Variants in KIF13A observed in about 807,000 individuals in gnomAD.
KIF13A encodes kinesin family member 13A.
In KIF13A, 79 loss-of-function variants were observed where a neutral mutation model predicts 212.2. The observed-to-expected ratio is 0.37, with a 90% CI of 0.31 to 0.45. KIF13A has a LOEUF of 0.45. Ranked by LOEUF, KIF13A falls within the 20% of genes least tolerant of loss-of-function variation. The pLI is 1.00. For missense variants in KIF13A, 1,901 were observed against 2,209.0 expected (o/e 0.86, Z 2.79); for synonymous variants, 789 against 808.6 (o/e 0.98, Z 0.41).
Position 17,888,945 on chromosome 6 carries a change from G to A in KIF13A, c.159+9223C>T, listed in dbSNP as rs1771793088. ...TCTTGTACCAAGTCTTCTAAATCTAGCATATATTTTGTACTTAATCTCGAG... is the reference window on the plus strand; with the variant it reads ...TCTTGTACCAAGTCTTCTAAATCTAACATATATTTTGTACTTAATCTCGAG... On this transcript the variant is annotated intron_variant, in intron 3 of 38. Transcript: ENST00000259711. The surrounding 1 kb of genome is among the most constrained non-coding windows in gnomAD (Gnocchi z 4.8). Among the ~76,000 whole-genome samples, 1 of 151,958 alleles carries A rather than the reference G, an allele frequency of 6.6e-6. No homozygotes were observed. The highest frequency in any genetic ancestry group is 2.4e-5 in the African/African-American group (1 of 41,358).
chr6:17,966,839 A>G (rs1779370334), intron 2 of KIF13A, among the ~76,000 whole-genome samples: 1 of 152,332 alleles, frequency 6.6e-6, no homozygotes, highest in African/African-American at 2.4e-5. Flanking sequence ...TATTTGCTGT[A>G]AATACTCAAA....
At chr6:17,859,996 TA>T (rs1768582764) in intron 4 of KIF13A, among the ~76,000 whole-genome samples, 2 of 152,098 alleles carry the variant, frequency 1.3e-5, no homozygotes, top group Admixed American at 1.3e-4. Context: ...TTGAAATGGT[TA>T]AGTCACTTGC....
In KIF13A at chr6:17,808,928, T is replaced by C; in HGVS notation, c.2003A>G (p.Asp668Gly). The change falls in exon 18 of 39, where the codon GAT becomes GGT. Residue 668 changes from aspartate to glycine, a missense_variant and splice_region_variant. This residue lies in a region of KIF13A where 534 missense variants were observed against 536.9 expected (regional missense o/e 0.99). Coordinates refer to ENST00000259711, the MANE Select transcript of KIF13A (RefSeq NM_022113.6). ...TGCCAGGCTTTGTCGGAAGAGTTCA[T>C]CCCTGCAGTGTCATAGAAAAGGGAA... ...QKVTQWAEER[D>G]ELFRQSLAKL... 1.2e-6 allele frequency: 2 copies of C among 1,609,194 alleles called. No individual in the cohort carries two copies. Among genetic ancestry groups the C allele is most frequent in the Non-Finnish European group, 1.7e-6 (2 of 1,177,522 alleles).
intron 2 of KIF13A, among the ~76,000 whole-genome samples, chr6:17,974,481 A>C (rs1160852083): frequency 2.0e-5 from 3 of 152,190 alleles, no homozygotes; most frequent in African/African-American, 4.8e-5. Flanking sequence ...AACCTGGTCA[A>C]ACCTTTGGAT....
chr6:17,867,482 T>G (rs1769519013), intron 4 of KIF13A, among the ~76,000 whole-genome samples: 1 of 152,192 alleles, frequency 6.6e-6, no homozygotes, highest in Non-Finnish European at 1.5e-5. Context: ...TAGCTAACAA[T>G]TATTGAGTGT....
Position 17,821,552 on chromosome 6 carries a change from G to GTGT in KIF13A, c.1786+4215_1786+4216insACA, listed in dbSNP as rs1554172080. Among the ~76,000 whole-genome samples, 50 of 112,090 alleles carry GTGT rather than the reference G, an allele frequency of 4.5e-4. 1 individual carries two copies. Among genetic ancestry groups the GTGT allele is most frequent in the African/African-American group, 1.5e-3 (48 of 32,988 alleles). 73.5% of individuals were successfully genotyped at this position (112,090 alleles called of 152,430 possible). Reference sequence around the variant, plus strand: ...TGGGAGGCAAATGGAATTGGGACATGGTGTGTGTGTGTGTGTGTGTGTGTG... The same window carrying GTGT: ...TGGGAGGCAAATGGAATTGGGACATGTGTGTGTGTGTGTGTGTGTGTGTGTGTG... On this transcript the variant is annotated intron_variant, in intron 16 of 38. Transcript: ENST00000259711.
rs959866080 is a variant in KIF13A, at chr6:17,827,086, T to C, written c.1533-962A>G. Among the ~76,000 whole-genome samples, 48 of 151,362 alleles carry C rather than the reference T, an allele frequency of 3.2e-4. 1 individual carries two copies. The highest frequency in any genetic ancestry group is 1.6e-4 in the Non-Finnish European group (11 of 67,858). On this transcript the variant is annotated intron_variant, in intron 14 of 38. Transcript: ENST00000259711. ...CAAAATAAATTAAAAAAAAAATAAATAAATAAAATAATTTTTTTTCTTTTT... is the reference window on the plus strand; with the variant it reads ...CAAAATAAATTAAAAAAAAAATAAACAAATAAAATAATTTTTTTTCTTTTT...
chr6:17,799,261 T>G lies in KIF13A; in HGVS notation c.2790+5A>C. ...ACACAGCTCATTTGGTAATGGCATT[T>G]GTACCTTACAGTGGGAGAAGGTCAC... On this transcript the variant is annotated splice_donor_5th_base_variant and intron_variant, in intron 22 of 38. Coordinates refer to ENST00000259711, the MANE Select transcript of KIF13A (RefSeq NM_022113.6). This position sits in a 1 kb window ranked among gnomAD's most constrained non-coding sequence, Gnocchi z 4.4. 1 of 1,577,012 alleles carries G rather than the reference T, an allele frequency of 6.3e-7. No homozygotes were observed. Among genetic ancestry groups the G allele is most frequent in the South Asian group, 1.2e-5 (1 of 84,174 alleles).
intron 4 of KIF13A, among the ~76,000 whole-genome samples, chr6:17,862,040 A>T (rs1768849334): frequency 6.6e-6 from 1 of 152,208 alleles, no homozygotes; most frequent in African/African-American, 2.4e-5. Flanking sequence ...TTTTGGAGAC[A>T]GGATCTCGCT....
chr6:17,881,389 A>T (rs76574750), intron 3 of KIF13A: 12,778 of 398,670 alleles, frequency 0.032, 658 homozygotes, highest in African/African-American at 0.14. Flanking sequence ...GTTAAACTCC[A>T]CTTTTACTTA....
At chr6:17,959,190 T>C (rs1778610598) in intron 2 of KIF13A, among the ~76,000 whole-genome samples, 1 of 152,304 alleles carries the variant, frequency 6.6e-6, no homozygotes, top group Admixed American at 6.5e-5. Context: ...TTATCATTCA[T>C]TCAATGTTTA....
rs78248894 is a variant in KIF13A, at chr6:17,837,432, C to T, written c.942+40G>A. On this transcript the variant is annotated intron_variant, in intron 10 of 38. Transcript: ENST00000259711. The surrounding 1 kb of genome is among the most constrained non-coding windows in gnomAD (Gnocchi z 5.4). ...TTTACTCTGTCACATCTGGAATAGC[C>T]AATTTTTAGTTGGAAAAGAACACTA... 0.034 allele frequency: 48,191 copies of T among 1,417,942 alleles called. 1,006 individuals carry two copies. The highest frequency in any genetic ancestry group is 0.041 in the Non-Finnish European group (41,656 of 1,019,358). 87.8% of individuals were successfully genotyped at this position (1,417,942 alleles called of 1,614,324 possible).
Position 17,987,439 on chromosome 6 carries a change from C to G in KIF13A, c.25G>C (p.Ala9Pro). The G allele has an allele frequency of 7.4e-7, 1 of 1,342,838 alleles. No individual in the cohort carries two copies. Among genetic ancestry groups the G allele is most frequent in the Non-Finnish European group, 9.8e-7 (1 of 1,016,318 alleles). The allele number at this position is 1,342,838 out of a possible 1,614,324, so 83.2% of individuals were successfully genotyped here. A position where few individuals can be genotyped will look rare whatever the true frequency, so the allele number is the denominator to read the frequency against. Reference protein sequence around the residue: MSDTKVKVAVRVRPMNRRE... With the variant: MSDTKVKVPVRVRPMNRRE... ...CGGTTCATGGGCCGGACCCGGACGG[C>G]AACTTTTACCTTGGTATCCGACATG... Residue 9 changes from alanine (A) to proline (P), a missense_variant, in exon 1 of 39, where the codon GCC becomes CCC. Physicochemically the swap from Ala to Pro is conservative, Grantham distance 27. Around this residue, in one of 5 missense-constraint regions of KIF13A, gnomAD observed 506 missense variants for 637.4 expected, o/e 0.79. Coordinates refer to ENST00000259711, the MANE Select transcript of KIF13A (RefSeq NM_022113.6). The surrounding 1 kb of genome is among the most constrained non-coding windows in gnomAD (Gnocchi z 7.7).
Position 17,987,465 on chromosome 6 carries a change from T to C in KIF13A, c.-2A>G, listed in dbSNP as rs766532839. On this transcript the variant is annotated 5_prime_UTR_variant, in exon 1 of 39. Transcript: ENST00000259711. The surrounding 1 kb of genome is among the most constrained non-coding windows in gnomAD (Gnocchi z 7.7). ...AACTTTTACCTTGGTATCCGACATG[T>C]TGGCTGCGCTCGCCCGGCCGCTCGC... is the stretch of plus-strand genomic sequence containing the variant. 5 of 1,302,676 alleles carry C rather than the reference T, an allele frequency of 3.8e-6. No individual in the cohort carries two copies. Among genetic ancestry groups the C allele is most frequent in the African/African-American group, 1.6e-5 (1 of 63,460 alleles). The allele number at this position is 1,302,676 out of a possible 1,614,324, so 80.7% of individuals were successfully genotyped here. A position where few individuals can be genotyped will look rare whatever the true frequency, so the allele number is the denominator to read the frequency against.
intron 33 of KIF13A, among the ~76,000 whole-genome samples, chr6:17,778,486 G>A (rs1179048746): frequency 2.0e-5 from 3 of 151,938 alleles, no homozygotes; most frequent in Admixed American, 1.3e-4. Context: ...ATGACCTGTT[G>A]TCACCTCAAA....
intron 3 of KIF13A, among the ~76,000 whole-genome samples, chr6:17,874,703 G>C (rs921572877): frequency 1.3e-5 from 2 of 151,748 alleles, no homozygotes; most frequent in African/African-American, 4.8e-5. Flanking sequence ...GTGAGATTTT[G>C]GTGCACCCAT....
chr6:17,833,902 C>T, intron 12 of KIF13A, 59 bp downstream of exon 12: 1 of 761,456 alleles, frequency 1.3e-6, no homozygotes, highest in South Asian at 2.1e-5. Flanking sequence ...GCAAACTACA[C>T]AGAAAAGACA....
At position 17,837,137 on chromosome 6, in the gene KIF13A, A is replaced by G; in HGVS notation, c.943-47T>C. The stretch of plus-strand genomic sequence containing the variant: ...ATCTTAGGAAGCCCATTCCATGGAC[A>G]ACACATATGATAAAAGCACTAAATG... On this transcript the variant is annotated intron_variant, in intron 10 of 38. Transcript: ENST00000259711. This position sits in a 1 kb window ranked among gnomAD's most constrained non-coding sequence, Gnocchi z 5.4. The G allele has an allele frequency of 6.7e-7, 1 of 1,498,674 alleles. No individual in the cohort carries two copies. The highest frequency in any genetic ancestry group is 1.1e-5 in the South Asian group (1 of 88,212). 92.8% of individuals were successfully genotyped at this position (1,498,674 alleles called of 1,614,324 possible). A position where few individuals can be genotyped will look rare whatever the true frequency, so the allele number is the denominator to read the frequency against.
At chr6:17,950,306 G>T in intron 2 of KIF13A, 1 of 661,616 alleles carries the variant, frequency 1.5e-6, no homozygotes, top group Non-Finnish European at 1.9e-6. Context: ...AGCTGATTCA[G>T]TTCAAACAAA....
Sources: allele counts gnomAD v4.1 joint callset (sites outside exome capture counted in the v4.1 genomes callset), GRCh38; gene constraint gnomAD v4.1.1; regional missense constraint gnomAD v4.1.1; non-coding constraint Gnocchi (gnomAD v3.1); transcripts MANE v1.5; gene names NCBI Gene and HGNC (gene_info 2026-07-23, HGNC 2026-07-21).